Variants in SPIRE2 observed in about 807,000 individuals in gnomAD.
SPIRE2 encodes the protein spire type actin nucleation factor 2.
Under a neutral mutation model 80.7 loss-of-function variants are expected in SPIRE2, and 76 were observed. The ratio of observed to expected loss-of-function variants is 0.94; its 90% confidence interval spans 0.78 to 1.14. The LOEUF (loss-of-function observed/expected upper bound fraction) is 1.14, where lower values mean the gene tolerates loss of function less well. SPIRE2 is among the 50% of genes most tolerant of loss of function. The pLI is 0.00. For synonymous variants in SPIRE2, 535 were observed against 432.6 expected (o/e 1.24, Z -2.94); for missense variants, 1,196 against 1,015.3 (o/e 1.18, Z -2.42).
rs1481193273 is a variant in SPIRE2 at position 89,843,683 on chromosome 16, TTGTTTTTG to T, written c.245-1637_245-1630del. ...TGCTGCCACGTTTTTTTTTTTTTGT[TTGTTTTTG>T]TTTTTTGTTTTTTTTTTTTTTTTTT... On this transcript the variant is annotated intron_variant, in intron 1 of 14. Transcript: ENST00000378247. Among the ~76,000 whole-genome samples, 100 of 22,624 alleles carry T rather than the reference TTGTTTTTG, an allele frequency of 4.4e-3. 2 individuals carry two copies. The highest frequency in any genetic ancestry group is 6.2e-3 in the Non-Finnish European group (83 of 13,290). 14.8% of individuals were successfully genotyped at this position (22,624 alleles called of 152,430 possible).
chr16:89,847,584 C>T (rs2041575118), intron 2 of SPIRE2, among the ~76,000 whole-genome samples: 1 of 152,176 alleles, frequency 6.6e-6, no homozygotes, highest in Non-Finnish European at 1.5e-5. Flanking sequence ...ATCGCCCTGT[C>T]CCCAGGAAAG....
In SPIRE2 at chr16:89,828,523, G is replaced by A; in HGVS notation, c.-28G>A. 1 of 1,042,744 alleles carries A rather than the reference G, an allele frequency of 9.6e-7. No individual in the cohort carries two copies. Among genetic ancestry groups the A allele is most frequent in the African/African-American group, 1.7e-5 (1 of 58,204 alleles). The allele number at this position is 1,042,744 out of a possible 1,614,324, so 64.6% of individuals were successfully genotyped here. A position where few individuals can be genotyped will look rare whatever the true frequency, so the allele number is the denominator to read the frequency against. On this transcript the variant is annotated 5_prime_UTR_variant, in exon 1 of 15. Coordinates refer to ENST00000378247, the MANE Select transcript of SPIRE2 (RefSeq NM_032451.2). This position sits in a 1 kb window ranked among gnomAD's most constrained non-coding sequence, Gnocchi z 5.9. ...GCGCGGCTGCATGGACGCGGGTCCG[G>A]CGCGCGGGAGGCGATGACGGCCCCG...
At chr16:89,834,989 G>T (rs1489868251) in intron 1 of SPIRE2, among the ~76,000 whole-genome samples, 887 of 47,468 alleles carry the variant, frequency 0.019, no homozygotes, top group Middle Eastern at 0.05. Context: ...GCATAGCCCG[G>T]GTGAATCTGT....
intron 4 of SPIRE2, 23 bp downstream of exon 4, chr16:89,854,389 C>T (rs777815325): frequency 1.1e-5 from 17 of 1,611,326 alleles, no homozygotes; most frequent in Non-Finnish European, 1.4e-5. Flanking sequence ...CCCACCTGAC[C>T]GGGCCACTGA....
At chr16:89,849,001 G>A (rs1467011380) in intron 2 of SPIRE2, among the ~76,000 whole-genome samples, 2 of 141,828 alleles carry the variant, frequency 1.4e-5, no homozygotes, top group Admixed American at 1.4e-4. Context: ...CAGGTTCCAG[G>A]GCCTTCTGTG....
rs376825785 is a variant in SPIRE2, at chr16:89,854,459, A to T, written c.727-28A>T. On this transcript the variant is annotated intron_variant, in intron 4 of 14. Coordinates refer to ENST00000378247, the MANE Select transcript of SPIRE2 (RefSeq NM_032451.2). The stretch of plus-strand genomic sequence containing the variant: ...GGCCGTGGAGCTTCACCTGGGGCTG[A>T]GACCCATTCTCTTCCCCTGGGGCCC... 6.2e-6 allele frequency: 10 copies of T among 1,611,138 alleles called. No individual in the cohort carries two copies. In the African/African-American group the frequency reaches 9.3e-5, roughly 15 times the overall value.
rs947043963 is a variant in SPIRE2 at position 89,871,294 on chromosome 16, G to A, written c.*1022G>A. On this transcript the variant is annotated 3_prime_UTR_variant, in exon 15 of 15. Coordinates refer to ENST00000378247, the MANE Select transcript of SPIRE2 (RefSeq NM_032451.2). The stretch of plus-strand genomic sequence containing the variant: ...TAAATCTGTGCACATGGCCACTCTT[G>A]GCCTAATAAAGGAGGTCTCACAGTC... 2 of 152,278 alleles carry A rather than the reference G, an allele frequency of 1.3e-5. No individual in the cohort carries two copies. Among genetic ancestry groups the A allele is most frequent in the East Asian group, 1.9e-4 (1 of 5,198 alleles). 9.4% of individuals were successfully genotyped at this position (152,278 alleles called of 1,614,324 possible). A position where few individuals can be genotyped will look rare whatever the true frequency, so the allele number is the denominator to read the frequency against.
rs775234185 is a variant in SPIRE2 at position 89,828,644 on chromosome 16, G to C, written c.94G>C (p.Glu32Gln). The change falls in exon 1 of 15, where the codon GAG becomes CAG. Residue 32 changes from glutamate (E) to glutamine (Q), a missense_variant. Transcript: ENST00000378247. The surrounding 1 kb of genome is among the most constrained non-coding windows in gnomAD (Gnocchi z 5.9). ...CCTGGAGGAGGTGCTGAAGGCCTAC[G>C]AGCAGCCGCTCAACGAGGAGCAGGC... ...LSLEEVLKAY[E>Q]QPLNEEQAWA... 13 of 1,361,408 alleles carry C rather than the reference G, an allele frequency of 9.5e-6. No homozygotes were observed. Among genetic ancestry groups the C allele is most frequent in the Admixed American group, 4.9e-5 (2 of 41,034 alleles). The allele number at this position is 1,361,408 out of a possible 1,614,324, so 84.3% of individuals were successfully genotyped here.
rs540229175 is a variant in SPIRE2 at position 89,844,824 on chromosome 16, T to A, written c.245-498T>A. Reference sequence around the variant, plus strand: ...TTTTGAACTCCTGGCTGCTAGCAGCTCTCCCACCTCGGCATCTCAAAGTGC... The same window carrying A: ...TTTTGAACTCCTGGCTGCTAGCAGCACTCCCACCTCGGCATCTCAAAGTGC... On this transcript the variant is annotated intron_variant, in intron 1 of 14. Transcript: ENST00000378247. Among the ~76,000 whole-genome samples, 15 of 152,236 alleles carry A rather than the reference T, an allele frequency of 9.9e-5. No individual in the cohort carries two copies. The East Asian group carries it at 2.9e-3, about 29-fold the overall frequency.
At chr16:89,840,903 C>T (rs2041500511) in intron 1 of SPIRE2, among the ~76,000 whole-genome samples, 1 of 151,814 alleles carries the variant, frequency 6.6e-6, no homozygotes, top group African/African-American at 2.4e-5. Context: ...TCCCAAAGTG[C>T]TGGGATTACA....
chr16:89,832,904 C>G (rs2041400510), intron 1 of SPIRE2, among the ~76,000 whole-genome samples: 1 of 151,986 alleles, frequency 6.6e-6, no homozygotes, highest in South Asian at 2.1e-4. Flanking sequence ...TCACTGCAAC[C>G]TTAGCCTCCT....
rs1417702118 is a variant in SPIRE2, at chr16:89,859,218, A to C, written c.1326A>C (p.Ser442=). Residue 442 remains serine, a synonymous_variant, in exon 9 of 15, where the codon TCA becomes TCC. Coordinates refer to ENST00000378247, the MANE Select transcript of SPIRE2 (RefSeq NM_032451.2). ...EVTLKRDRSF[S]EHDLAQLRSE... is the part of the protein sequence containing the mutation. The stretch of plus-strand genomic sequence containing the variant: ...CGCTGAAACGGGACCGCTCCTTCTC[A>C]GAGCATGACCTGGCCCAGCTCCGAA... The C allele has an allele frequency of 3.1e-6, 5 of 1,604,764 alleles. No homozygotes were observed. Among genetic ancestry groups the C allele is most frequent in the Non-Finnish European group, 4.3e-6 (5 of 1,175,638 alleles).
chr16:89,829,230 G>T (rs980922114), intron 1 of SPIRE2, among the ~76,000 whole-genome samples: 1 of 152,242 alleles, frequency 6.6e-6, no homozygotes, highest in Non-Finnish European at 1.5e-5. Flanking sequence ...AAGGTGGGGG[G>T]CTGCGCCTCA....
At position 89,849,408 on chromosome 16, in the gene SPIRE2, G is replaced by A. The variant is rs534008809; in HGVS notation, c.289-896G>A. ...GTGTGGCTCGAGGTGAGGTTGGTAC[G>A]TGATGTGCAGGGCCCGGCACAGCAT... is the stretch of plus-strand genomic sequence containing the variant. On this transcript the variant is annotated intron_variant, in intron 2 of 14. Coordinates refer to ENST00000378247, the MANE Select transcript of SPIRE2 (RefSeq NM_032451.2). 7.2e-5 allele frequency among the ~76,000 whole-genome samples: 11 copies of A among 152,208 alleles called. No individual in the cohort carries two copies. In the South Asian group the frequency reaches 8.3e-4, roughly 11 times the overall value.
intron 1 of SPIRE2, among the ~76,000 whole-genome samples, chr16:89,843,227 A>G (rs755771965): frequency 6.6e-6 from 1 of 152,148 alleles, no homozygotes; most frequent in Non-Finnish European, 1.5e-5. Flanking sequence ...CACTCCTGGC[A>G]CTTATCAGCC....
chr16:89,838,937 C>G (rs1416886303), intron 1 of SPIRE2, among the ~76,000 whole-genome samples: 2 of 147,058 alleles, frequency 1.4e-5, no homozygotes, highest in East Asian at 4.7e-4. Flanking sequence ...ACCATGTTGG[C>G]CAGGCTGGTC....
At chr16:89,869,970 G>T in intron 14 of SPIRE2, 80 bp from the exon 15 acceptor site, 2 of 1,258,912 alleles carry the variant, frequency 1.6e-6, no homozygotes, top group East Asian at 5.0e-5. Context: ...CCAGGAGGGG[G>T]CTGTGGCATG....
chr16:89,837,468 A>G (rs1239592165), intron 1 of SPIRE2, among the ~76,000 whole-genome samples: 1 of 152,216 alleles, frequency 6.6e-6, no homozygotes, highest in Non-Finnish European at 1.5e-5. Context: ...CTTCTTAGCC[A>G]GGAGAGAGGG....
intron 12 of SPIRE2, among the ~76,000 whole-genome samples, chr16:89,865,965 C>CAAAA (rs376787173): frequency 1.4e-4 from 8 of 57,502 alleles, no homozygotes; most frequent in African/African-American, 4.2e-4. Flanking sequence ...GAGACTGTCT[C>CAAAA]AAAAAAAAAA....
Sources: gnomAD v4.1 joint callset for allele counts (sites outside exome capture counted in the v4.1 genomes callset) on GRCh38, gnomAD v4.1.1 for gene constraint, Gnocchi (gnomAD v3.1) non-coding constraint, MANE v1.5 for transcripts, NCBI Gene and HGNC (gene_info 2026-07-23, HGNC 2026-07-21) for gene names.